TYW1: variants seen among roughly 807,000 people sequenced by gnomAD.
The protein encoded by TYW1 is S-adenosyl-L-methionine-dependent tRNA 4-demethylwyosine synthase TYW1.
TYW1 carries 46 observed loss-of-function variants against 96.2 expected under a neutral mutation model. The observed-to-expected ratio is 0.48, with a 90% CI of 0.38 to 0.61. The LOEUF is 0.61. Ranked by LOEUF, TYW1 falls within the 20% of genes least tolerant of loss-of-function variation. The pLI, the probability that TYW1 is intolerant of heterozygous loss-of-function variation, is 0.00. For synonymous variants in TYW1, 274 were observed against 323.0 expected (o/e 0.85, Z 1.63); for missense variants, 684 against 909.6 (o/e 0.75, Z 3.19).
intron 10 of TYW1, among the ~76,000 whole-genome samples, chr7:67,068,298 A>C (rs1280309260): frequency 6.6e-6 from 1 of 152,178 alleles, no homozygotes. Context: ...CTGGGATTAC[A>C]GGCGTGAGCC....
At chr7:67,111,743 G>A (rs1360618280) in intron 12 of TYW1, among the ~76,000 whole-genome samples, 1 of 152,146 alleles carries the variant, frequency 6.6e-6, no homozygotes, top group African/African-American at 2.4e-5. Context: ...CAACACACTT[G>A]TTAAATAACC....
At chr7:67,073,793 AGAAAT>A in intron 10 of TYW1, among the ~76,000 whole-genome samples, 1 of 127,690 alleles carries the variant, frequency 7.8e-6, no homozygotes, top group African/African-American at 3.0e-5. Flanking sequence ...AAAAAAAAAA[AGAAAT>A]ATGGCCAGGC....
intron 8 of TYW1, among the ~76,000 whole-genome samples, chr7:67,051,976 T>C (rs1795375323): frequency 6.6e-6 from 1 of 152,216 alleles, no homozygotes; most frequent in African/African-American, 2.4e-5. Context: ...TCCACTGTCC[T>C]CTTACTCACA....
At chr7:67,000,397 C>T (rs545681242) in intron 3 of TYW1, among the ~76,000 whole-genome samples, 5 of 152,228 alleles carry the variant, frequency 3.3e-5, no homozygotes, top group South Asian at 2.1e-4. Context: ...CTCCTGGGTT[C>T]GAGCAATTCT....
At chr7:67,043,630 G>A (rs1277726105) in intron 7 of TYW1, among the ~76,000 whole-genome samples, 1 of 152,080 alleles carries the variant, frequency 6.6e-6, no homozygotes, top group African/African-American at 2.4e-5. Context: ...TAAGGCTTTG[G>A]AGTGTTTACT....
At chr7:67,109,599 G>T (rs1044698583) in intron 12 of TYW1, among the ~76,000 whole-genome samples, 1 of 152,062 alleles carries the variant, frequency 6.6e-6, no homozygotes, top group African/African-American at 2.4e-5. Context: ...CCAGTAGCTC[G>T]GCTGGGAGCA....
intron 11 of TYW1, 96 bp downstream of exon 11, chr7:67,083,635 A>G (rs991416615): frequency 1.1e-4 from 144 of 1,361,294 alleles, no homozygotes; most frequent in Middle Eastern, 2.1e-4. Context: ...TTTTGTCCCC[A>G]CTGGCAAATT....
intron 13 of TYW1, among the ~76,000 whole-genome samples, chr7:67,175,621 C>T (rs561754051): frequency 2.4e-4 from 36 of 152,194 alleles, no homozygotes; most frequent in Middle Eastern, 3.4e-3. Flanking sequence ...TCTAAGAATG[C>T]GAGTTTTGTT....
At chr7:67,092,480 T>C (rs1221210890) in intron 11 of TYW1, among the ~76,000 whole-genome samples, 1 of 152,086 alleles carries the variant, frequency 6.6e-6, no homozygotes, top group Admixed American at 6.5e-5. Flanking sequence ...CTTGGGGTCT[T>C]TTCTCCGACT....
At chr7:67,227,902 T>C (rs1044384876) in intron 15 of TYW1, among the ~76,000 whole-genome samples, 3 of 152,242 alleles carry the variant, frequency 2.0e-5, no homozygotes, top group Non-Finnish European at 4.4e-5. Flanking sequence ...TGTGTCCTTA[T>C]GCTATAATAA....
At chr7:67,027,989 C>G (rs75475283) in intron 7 of TYW1, among the ~76,000 whole-genome samples, 13,236 of 149,614 alleles carry the variant, frequency 0.088, 785 homozygotes, top group East Asian at 0.29. Flanking sequence ...AATCCCAGCA[C>G]TTTGGGAGGC....
intron 12 of TYW1, 61 bp from the exon 13 acceptor site, chr7:67,117,422 T>C: frequency 6.4e-7 from 1 of 1,558,228 alleles, no homozygotes. Flanking sequence ...AGGTTTTATA[T>C]CATGGAAAGC....
intron 4 of TYW1, among the ~76,000 whole-genome samples, chr7:67,012,678 C>CT (rs1328057538): frequency 6.6e-6 from 1 of 152,140 alleles, no homozygotes; most frequent in Non-Finnish European, 1.5e-5. Flanking sequence ...TTCTGGAGCG[C>CT]TGACAGGAGG....
chr7:67,152,363 C>G (rs1341672941), intron 13 of TYW1, among the ~76,000 whole-genome samples: 2 of 152,180 alleles, frequency 1.3e-5, no homozygotes, highest in African/African-American at 4.8e-5. Context: ...GAATGCAGTG[C>G]TATTTCACCT....
Position 67,117,605 on chromosome 7 carries a change from C to G in TYW1, c.1685C>G (p.Ala562Gly). The change falls in exon 13 of 16, where the codon GCC (alanine) becomes GGC (glycine). Residue 562 changes from alanine (A) to glycine (G), a missense_variant. By Grantham distance (60) the Ala-to-Gly change is moderately conservative. Transcript: ENST00000359626. ...CAGAGATTCCTTGACAGTTTAAAAG[C>G]CTTGGCAGTCAAGGTAAGAATTATG... Reference protein sequence around the residue: ...FWQRFLDSLKALAVKQQRTVY... With the variant: ...FWQRFLDSLKGLAVKQQRTVY... 1 of 1,611,234 alleles carries G rather than the reference C, an allele frequency of 6.2e-7. No homozygotes were observed. Among genetic ancestry groups the G allele is most frequent in the Non-Finnish European group, 8.5e-7 (1 of 1,179,318 alleles).
chr7:67,228,333 A>C (rs1801631401), intron 15 of TYW1, among the ~76,000 whole-genome samples: 1 of 151,454 alleles, frequency 6.6e-6, no homozygotes. Context: ...GTGCAGGGAA[A>C]CCCCCCTTCG....
intron 7 of TYW1, among the ~76,000 whole-genome samples, chr7:67,030,936 C>T (rs1042227662): frequency 1.3e-5 from 2 of 151,984 alleles, no homozygotes; most frequent in African/African-American, 4.8e-5. Flanking sequence ...CACGGTGGCT[C>T]ATGCCTGTAA....
intron 15 of TYW1, among the ~76,000 whole-genome samples, chr7:67,211,015 A>G (rs1264789343): frequency 5.3e-5 from 8 of 150,984 alleles, no homozygotes; most frequent in Non-Finnish European, 2.9e-5. Flanking sequence ...GTGTGAATGC[A>G]TGAATATTTA....
rs376940321 is a variant in TYW1 at position 67,226,485 on chromosome 7, A to T, written c.1978-11823A>T. 1.7e-4 allele frequency among the ~76,000 whole-genome samples: 26 copies of T among 152,246 alleles called. No individual in the cohort carries two copies. In the East Asian group the frequency reaches 4.6e-3, roughly 27 times the overall value. ...TCTGATCTTGTGGCCACCACCCAGGAACTGACTCAGCTCAAGAGGACATCT... is the reference window on the plus strand; with the variant it reads ...TCTGATCTTGTGGCCACCACCCAGGTACTGACTCAGCTCAAGAGGACATCT... On this transcript the variant is annotated intron_variant, in intron 15 of 15. Transcript: ENST00000359626.
Sources: allele counts gnomAD v4.1 joint callset (sites outside exome capture counted in the v4.1 genomes callset), GRCh38; gene constraint gnomAD v4.1.1; transcripts MANE v1.5; gene names NCBI Gene and HGNC (gene_info 2026-07-23, HGNC 2026-07-21).